The following GRM7 variants were observed in gnomAD, a reference collection of about 807,000 sequenced individuals.
The protein encoded by GRM7 is metabotropic glutamate receptor 7.
GRM7 carries 35 observed loss-of-function variants against 84.5 expected under a neutral mutation model. That is an observed-to-expected ratio of 0.41 (90% CI 0.32 to 0.55). The LOEUF (loss-of-function observed/expected upper bound fraction) is 0.55. Ranked by LOEUF, GRM7 falls within the 20% of genes least tolerant of loss-of-function variation. The probability of loss-of-function intolerance (pLI) is 0.19; values close to 1 mark genes in which losing one functional copy is unlikely to be tolerated. For missense variants in GRM7, 1,003 were observed against 1,194.6 expected (o/e 0.84, Z 2.36); for synonymous variants, 487 against 455.1 (o/e 1.07, Z -0.89).
intron 8 of GRM7, among the ~76,000 whole-genome samples, chr3:7,619,454 G>A (rs561041239): frequency 7.9e-5 from 12 of 152,058 alleles, no homozygotes; most frequent in East Asian, 3.9e-4. Context: ...GCCTCATCTC[G>A]GGGGATTAAG....
At chr3:7,410,612 C>CACAG (rs1266875892) in intron 4 of GRM7, among the ~76,000 whole-genome samples, 1 of 149,184 alleles carries the variant, frequency 6.7e-6, no homozygotes, top group Non-Finnish European at 1.5e-5. Context: ...CACACACACA[C>CACAG]ACACACACAC....
intron 1 of GRM7, among the ~76,000 whole-genome samples, chr3:6,954,668 A>G (rs1692950378): frequency 1.3e-5 from 2 of 152,218 alleles, no homozygotes; most frequent in Non-Finnish European, 2.9e-5. Context: ...GTCCAGGTCT[A>G]TTACTTACTA....
intron 2 of GRM7, among the ~76,000 whole-genome samples, chr3:7,213,670 A>G (rs557297618): frequency 6.6e-6 from 1 of 152,290 alleles, no homozygotes; most frequent in South Asian, 2.1e-4. Flanking sequence ...CAGTCACAAC[A>G]CAGGCCTCAG....
intron 8 of GRM7, among the ~76,000 whole-genome samples, chr3:7,617,951 C>T (rs1339103881): frequency 6.6e-6 from 1 of 152,044 alleles, no homozygotes; most frequent in East Asian, 1.9e-4. Context: ...GATTCTTGTG[C>T]CTGGATGCAA....
intron 2 of GRM7, among the ~76,000 whole-genome samples, chr3:7,231,915 A>G (rs937335891): frequency 4.6e-5 from 7 of 152,190 alleles, no homozygotes; most frequent in Non-Finnish European, 7.3e-5. Flanking sequence ...CTGGAGATAC[A>G]AAAGAATCCC....
intron 2 of GRM7, among the ~76,000 whole-genome samples, chr3:7,157,245 A>G (rs1694482406): frequency 6.6e-6 from 1 of 152,136 alleles, no homozygotes; most frequent in African/African-American, 2.4e-5. Flanking sequence ...TATGTGGGGT[A>G]GTTGACTGAC....
chr3:7,621,647 G>A (rs1003028345), intron 8 of GRM7, among the ~76,000 whole-genome samples: 3 of 152,074 alleles, frequency 2.0e-5, no homozygotes, highest in Admixed American at 6.6e-5. Flanking sequence ...TACAACAGCA[G>A]TGATCAAAGG....
In GRM7 at chr3:6,862,690, A is replaced by G. The variant is rs1559291269; in HGVS notation, c.519+783A>G. 3.5e-6 allele frequency: 1 copy of G among 283,484 alleles called. No homozygotes were observed. Among genetic ancestry groups the G allele is most frequent in the African/African-American group, 2.3e-5 (1 of 43,524 alleles). 17.6% of individuals were successfully genotyped at this position (283,484 alleles called of 1,614,324 possible). A position where few individuals can be genotyped will look rare whatever the true frequency, so the allele number is the denominator to read the frequency against. ...CTCAGCCCAGGGATGAGCTCACGCGAAACGAAATCGCTCTCCCTGCCTCCT... is the reference window on the plus strand; with the variant it reads ...CTCAGCCCAGGGATGAGCTCACGCGGAACGAAATCGCTCTCCCTGCCTCCT... On this transcript the variant is annotated intron_variant, in intron 1 of 9. Transcript: ENST00000357716. The surrounding 1 kb of genome is among the most constrained non-coding windows in gnomAD (Gnocchi z 5.2).
intron 2 of GRM7, among the ~76,000 whole-genome samples, chr3:7,276,792 T>TCCCTCCC (rs1559546974): frequency 2.0e-4 from 1 of 5,028 alleles, no homozygotes; most frequent in African/African-American, 5.8e-4. Context: ...CCTTCCTTCC[T>TCCCTCCC]TCCTTCCTTC....
chr3:7,632,552 G>A (rs1458240577), intron 8 of GRM7, among the ~76,000 whole-genome samples: 1 of 152,132 alleles, frequency 6.6e-6, no homozygotes, highest in African/African-American at 2.4e-5. Context: ...ATTGCCTTGG[G>A]GCTGTTTTCC....
chr3:6,902,229 A>C (rs1276855041), intron 1 of GRM7, among the ~76,000 whole-genome samples: 2 of 152,192 alleles, frequency 1.3e-5, no homozygotes, highest in East Asian at 3.9e-4. Context: ...CTTCAGGTCC[A>C]CAGAAATTTG....
intron 7 of GRM7, among the ~76,000 whole-genome samples, chr3:7,501,024 G>T (rs1699866256): frequency 6.6e-6 from 1 of 152,144 alleles, no homozygotes; most frequent in Non-Finnish European, 1.5e-5. Flanking sequence ...AGGATTTTAG[G>T]CTTTTATTGC....
At chr3:7,121,176 A>G (rs1693203924) in intron 1 of GRM7, among the ~76,000 whole-genome samples, 1 of 152,226 alleles carries the variant, frequency 6.6e-6, no homozygotes, top group African/African-American at 2.4e-5. Context: ...AGTTGGTCCA[A>G]CAACTCAATG....
At chr3:7,114,518 A>G (rs765460439) in intron 1 of GRM7, among the ~76,000 whole-genome samples, 7 of 152,212 alleles carry the variant, frequency 4.6e-5, no homozygotes, top group Non-Finnish European at 1.0e-4. Context: ...AGGATTAAAC[A>G]TGCACATCTG....
chr3:7,017,656 A>C (rs1691378138), intron 1 of GRM7, among the ~76,000 whole-genome samples: 1 of 152,134 alleles, frequency 6.6e-6, no homozygotes, highest in South Asian at 2.1e-4. Flanking sequence ...GAAGGTCCTA[A>C]ACTATACTGA....
At position 7,663,509 on chromosome 3, in the gene GRM7, G is replaced by T. The variant is rs115728651; in HGVS notation, c.2452-16540G>T. On this transcript the variant is annotated intron_variant, in intron 8 of 9. Transcript: ENST00000357716. ...AGGTGGAATGCCTCTGGAGGGTGCA[G>T]CACAACATTCATAACACACTGCTTC... is the stretch of plus-strand genomic sequence containing the variant. 8.3e-3 allele frequency among the ~76,000 whole-genome samples: 1,270 copies of T among 152,252 alleles called. 24 individuals carry two copies. The highest frequency in any genetic ancestry group is 0.029 in the African/African-American group (1,206 of 41,550).
chr3:7,403,383 T>G (rs1300347908), intron 4 of GRM7, among the ~76,000 whole-genome samples: 1 of 151,458 alleles, frequency 6.6e-6, no homozygotes, highest in African/African-American at 2.4e-5. Context: ...AGATACAATA[T>G]CCACGATCTG....
intron 4 of GRM7, among the ~76,000 whole-genome samples, chr3:7,378,849 G>C (rs1694467745): frequency 6.6e-6 from 1 of 152,118 alleles, no homozygotes; most frequent in South Asian, 2.1e-4. Flanking sequence ...GTTTGAAAGA[G>C]AATCCCAGAC....
At chr3:6,912,016 G>A (rs552485046) in intron 1 of GRM7, among the ~76,000 whole-genome samples, 1 of 152,230 alleles carries the variant, frequency 6.6e-6, no homozygotes, top group South Asian at 2.1e-4. Context: ...TAAGATCTCA[G>A]TGTTAAGCCA....
Sources: allele counts gnomAD v4.1 joint callset (sites outside exome capture counted in the v4.1 genomes callset), GRCh38; gene constraint gnomAD v4.1.1; non-coding constraint Gnocchi (gnomAD v3.1); transcripts MANE v1.5; gene names NCBI Gene and HGNC (gene_info 2026-07-23, HGNC 2026-07-21).